The following UTP20 variants were observed in gnomAD, a reference collection of about 807,000 sequenced individuals.
UTP20 encodes the protein small subunit processome component 20 homolog.
A neutral mutation model predicts 329.5 loss-of-function variants in UTP20; 164 were observed. The ratio of observed to expected loss-of-function variants is 0.50; its 90% CI spans 0.44 to 0.57. The LOEUF (loss-of-function observed/expected upper bound fraction) is 0.57, where lower values mean the gene tolerates loss of function less well. Among genes scored for constraint, UTP20 ranks in the 20% least tolerant of loss-of-function variants. The probability of loss-of-function intolerance (pLI) is 0.00; values close to 1 mark genes in which losing one functional copy is unlikely to be tolerated. For missense variants in UTP20, 3,055 were observed against 3,284.2 expected (o/e 0.93, Z 1.71); for synonymous variants, 1,151 against 1,159.3 (o/e 0.99, Z 0.14).
chr12:101,297,294 C>T (rs1872388097), intron 12 of UTP20, among the ~76,000 whole-genome samples: 1 of 152,216 alleles, frequency 6.6e-6, no homozygotes, highest in Non-Finnish European at 1.5e-5. Flanking sequence ...CGGCTCACTG[C>T]AGCCTCGATC....
intron 50 of UTP20, 109 bp from the exon 51 acceptor site, chr12:101,370,949 A>T: frequency 1.1e-6 from 1 of 882,982 alleles, no homozygotes; most frequent in Non-Finnish European, 1.8e-6. Flanking sequence ...TTTTGAAGAT[A>T]CTTTCTTGTG....
At chr12:101,302,645 A>T in intron 15 of UTP20, 92 bp downstream of exon 15, 5 of 780,896 alleles carry the variant, frequency 6.4e-6, no homozygotes, top group Non-Finnish European at 9.9e-6. Flanking sequence ...AATCCCTTTG[A>T]TCTATTTTAT....
chr12:101,300,786 G>A (rs1298359942), intron 14 of UTP20, among the ~76,000 whole-genome samples: 1 of 152,194 alleles, frequency 6.6e-6, no homozygotes, highest in Non-Finnish European at 1.5e-5. Context: ...ATACTAAGCA[G>A]ACGTATTAGA....
intron 57 of UTP20, among the ~76,000 whole-genome samples, chr12:101,380,863 T>TA (rs35235306): frequency 0.14 from 16,265 of 114,986 alleles, 1,342 homozygotes; most frequent in Middle Eastern, 0.21. Context: ...GACTCTGTCT[T>TA]AAAAAAAAAA....
chr12:101,298,294 A>C (rs1183922913), intron 12 of UTP20, among the ~76,000 whole-genome samples: 1 of 152,168 alleles, frequency 6.6e-6, no homozygotes. Flanking sequence ...AAAAGAAGAC[A>C]AAGCAGTGTT....
At chr12:101,334,639 A>G in intron 29 of UTP20, 135 bp downstream of exon 29, 2 of 673,488 alleles carry the variant, frequency 3.0e-6, no homozygotes, top group Non-Finnish European at 4.8e-6. Context: ...TTAGAGAATG[A>G]GGCAGCTGAG....
At chr12:101,328,666 C>T (rs980860081) in intron 26 of UTP20, among the ~76,000 whole-genome samples, 8 of 151,968 alleles carry the variant, frequency 5.3e-5, no homozygotes, top group Admixed American at 1.3e-4. Flanking sequence ...GTCAGTAGTT[C>T]GAGACCAGCC....
At chr12:101,362,220 C>T (rs1869951294) in intron 44 of UTP20, among the ~76,000 whole-genome samples, 160 bp downstream of exon 44, 1 of 152,046 alleles carries the variant, frequency 6.6e-6, no homozygotes, top group African/African-American at 2.4e-5. Flanking sequence ...AAGACTAAAG[C>T]GAGATGGGCA....
chr12:101,330,846 G>A (rs1003073633), intron 27 of UTP20, among the ~76,000 whole-genome samples: 18 of 152,164 alleles, frequency 1.2e-4, no homozygotes, highest in Non-Finnish European at 2.1e-4. Flanking sequence ...GAGATTTTAA[G>A]CTTGTTGACA....
rs569613404 is a variant in UTP20 at position 101,285,552 on chromosome 12, C to A, written c.127-18C>A. 571 of 1,610,702 alleles carry A rather than the reference C, an allele frequency of 3.5e-4. 8 individuals are homozygous for A. The South Asian group carries it at 5.9e-3, about 17-fold the overall frequency. On this transcript the variant is annotated intron_variant, in intron 2 of 61. Transcript: ENST00000261637. Reference sequence around the variant, plus strand: ...TTCTTAGAGTTATTTGATTAATGGACTGCTTTAATCTTGACAGGAGGTTGA... The same window carrying A: ...TTCTTAGAGTTATTTGATTAATGGAATGCTTTAATCTTGACAGGAGGTTGA...
chr12:101,291,602 G>C (rs965100897), intron 8 of UTP20, 140 bp from the exon 9 acceptor site: 3 of 650,600 alleles, frequency 4.6e-6, no homozygotes, highest in South Asian at 4.1e-5. Flanking sequence ...AGCTGTTATC[G>C]TTAGTGAGTC....
rs1395015331 is a variant in UTP20 at position 101,305,959 on chromosome 12, A to G, written c.1826A>G (p.Tyr609Cys). ...TCTGTGTTGCTGTTGACTGATCTCT[A>G]TTATCAGAGATTAGCCTTGTGTGGC... is the stretch of plus-strand genomic sequence containing the variant. ...EPSVLLLTDL[Y>C]YQRLALCGCK... The change falls in exon 16 of 62, where the codon TAT becomes TGT. Residue 609 changes from tyrosine (Y) to cysteine (C), a missense_variant. Tyr to Cys is a radical substitution (Grantham distance 194). Around this residue, in one of 3 missense-constraint regions of UTP20, gnomAD observed 2,445 missense variants for 2,575.5 expected, o/e 0.95. Coordinates refer to ENST00000261637, the MANE Select transcript of UTP20 (RefSeq NM_014503.3). 6.8e-6 allele frequency: 11 copies of G among 1,613,632 alleles called. No homozygotes were observed. Among genetic ancestry groups the G allele is most frequent in the Admixed American group, 6.7e-5 (4 of 59,964 alleles).
At chr12:101,299,256 A>G (rs774807075) in intron 12 of UTP20, among the ~76,000 whole-genome samples, 1 of 152,198 alleles carries the variant, frequency 6.6e-6, no homozygotes, top group Non-Finnish European at 1.5e-5. Context: ...TGTCATAATC[A>G]TTTTAGTGGT....
intron 39 of UTP20, 101 bp downstream of exon 39, chr12:101,352,295 A>T: frequency 7.7e-7 from 1 of 1,295,556 alleles, no homozygotes; most frequent in Non-Finnish European, 1.1e-6. Flanking sequence ...AATCCAGTCT[A>T]TCATTGTTGG....
intron 31 of UTP20, among the ~76,000 whole-genome samples, chr12:101,339,254 A>G (rs979631845): frequency 6.6e-6 from 1 of 152,192 alleles, no homozygotes; most frequent in Non-Finnish European, 1.5e-5. Flanking sequence ...CGGAGGTTGC[A>G]GTGAGCCGAG....
chr12:101,375,137 T>G (rs965751703), intron 55 of UTP20, among the ~76,000 whole-genome samples, 198 bp downstream of exon 55: 2 of 152,140 alleles, frequency 1.3e-5, no homozygotes, highest in Non-Finnish European at 2.9e-5. Context: ...ATTGGAACTT[T>G]TTAAAATGAG....
intron 40 of UTP20, among the ~76,000 whole-genome samples, chr12:101,353,672 C>T (rs1869617487): frequency 6.6e-6 from 1 of 151,946 alleles, no homozygotes. Flanking sequence ...CCACTGCCTT[C>T]TGGCTTGGGT....
At chr12:101,372,993 C>T (rs1247787985) in intron 52 of UTP20, 30 bp downstream of exon 52, 15 of 1,580,424 alleles carry the variant, frequency 9.5e-6, no homozygotes, top group East Asian at 2.2e-5. Flanking sequence ...TACACAGGGG[C>T]GGAGGGTAGT....
rs372955141 is a variant in UTP20, at chr12:101,292,224, G to T, written c.1173+120G>T. On this transcript the variant is annotated intron_variant, in intron 10 of 61. Coordinates refer to ENST00000261637, the MANE Select transcript of UTP20 (RefSeq NM_014503.3). The stretch of plus-strand genomic sequence containing the variant: ...CTGCCCTCAAGGAATTTATAATCTT[G>T]TTAAGGAAATGGGAATTGCATGCAG... The T allele has an allele frequency of 5.1e-6, 6 of 1,171,412 alleles. No homozygotes were observed. In the African/African-American group the frequency reaches 7.8e-5, roughly 15 times the overall value. The allele number at this position is 1,171,412 out of a possible 1,614,324, so 72.6% of individuals were successfully genotyped here.
Sources: allele counts gnomAD v4.1 joint callset (sites outside exome capture counted in the v4.1 genomes callset), GRCh38; gene constraint gnomAD v4.1.1; regional missense constraint gnomAD v4.1.1; transcripts MANE v1.5; gene names NCBI Gene and HGNC (gene_info 2026-07-23, HGNC 2026-07-21).